ZNF700: variants seen among roughly 807,000 people sequenced by gnomAD.
The protein encoded by ZNF700 is zinc finger protein 700.
A neutral mutation model predicts 65.3 loss-of-function variants in ZNF700; 38 were observed. That is an observed-to-expected ratio of 0.58 (90% CI 0.45 to 0.76). The LOEUF (loss-of-function observed/expected upper bound fraction) is 0.76. ZNF700 is among the 30% of genes least tolerant of loss of function. The pLI, the probability that ZNF700 is intolerant of heterozygous loss-of-function variation, is 0.00. For synonymous variants in ZNF700, 285 were observed against 290.4 expected (o/e 0.98, Z 0.19); for missense variants, 857 against 888.4 (o/e 0.96, Z 0.45).
chr19:11,931,431 C>G (rs1156663011), intron 1 of ZNF700, among the ~76,000 whole-genome samples: 1 of 148,042 alleles, frequency 6.8e-6, no homozygotes, highest in East Asian at 1.9e-4. Context: ...TAATTACTTC[C>G]CAGAGATGTC....
At position 11,928,600 on chromosome 19, in the gene ZNF700, C is replaced by T. The variant is rs185044548; in HGVS notation, c.63+3327C>T. ...ACAAAAAATTAGCCGGGCGTAGTGG[C>T]GGGCGCCTGTAGTCCCAGCTACTTG... is the stretch of plus-strand genomic sequence containing the variant. On this transcript the variant is annotated intron_variant, in intron 1 of 3. Coordinates refer to ENST00000254321, the MANE Select transcript of ZNF700 (RefSeq NM_144566.3). 5.3e-4 allele frequency among the ~76,000 whole-genome samples: 78 copies of T among 148,472 alleles called. 1 individual carries two copies. In the East Asian group the frequency reaches 0.013, roughly 24 times the overall value.
intron 1 of ZNF700, among the ~76,000 whole-genome samples, chr19:11,937,485 CTTTCCTTTTTTTT>C (rs1972814577): frequency 7.2e-6 from 1 of 138,290 alleles, no homozygotes; most frequent in Admixed American, 7.2e-5. Context: ...TTCTTTTTTT[CTTTCCTTTTTTTT>C]TTTTTTTTGA....
chr19:11,949,436 A>G lies in ZNF700; in HGVS notation c.1412A>G (p.Glu471Gly). 4 of 1,613,182 alleles carry G rather than the reference A, an allele frequency of 2.5e-6. No individual in the cohort carries two copies. The South Asian group carries it at 3.3e-5, about 13-fold the overall frequency. The change falls in exon 4 of 4, where the codon GAG becomes GGG. Residue 471 changes from glutamate (E) to glycine (G), a missense_variant. Physicochemically the swap from Glu to Gly is moderately conservative, Grantham distance 98. Transcript: ENST00000254321. The part of the protein sequence containing the change: ...LRVHGRTHTG[E>G]KPYECKECGK... The stretch of plus-strand genomic sequence containing the variant: ...GTGCATGGTAGGACTCATACTGGAG[A>G]GAAACCCTATGAATGTAAGGAATGT...
intron 1 of ZNF700, among the ~76,000 whole-genome samples, chr19:11,938,352 T>G (rs575248099): frequency 3.0e-4 from 46 of 152,286 alleles, no homozygotes; most frequent in African/African-American, 1.1e-3. Context: ...GTTATTTACA[T>G]TAGGTATATC....
chr19:11,946,872 T>C (rs555930139), intron 1 of ZNF700: 6 of 306,866 alleles, frequency 2.0e-5, no homozygotes, highest in Admixed American at 9.9e-5. Flanking sequence ...TGGTGGTACA[T>C]GCCTATAATC....
intron 1 of ZNF700, among the ~76,000 whole-genome samples, chr19:11,932,822 A>T (rs1185591948): frequency 6.8e-6 from 1 of 147,402 alleles, no homozygotes; most frequent in East Asian, 1.9e-4. Context: ...TATTTTTAGT[A>T]GAGACGGGGT....
At chr19:11,944,772 G>A (rs1186366815) in intron 1 of ZNF700, among the ~76,000 whole-genome samples, 1 of 152,228 alleles carries the variant, frequency 6.6e-6, no homozygotes, top group Non-Finnish European at 1.5e-5. Flanking sequence ...CTTGCATTGT[G>A]TTGTTGGCAG....
intron 1 of ZNF700, among the ~76,000 whole-genome samples, chr19:11,932,023 G>A (rs1167185896): frequency 6.8e-6 from 1 of 147,606 alleles, no homozygotes; most frequent in African/African-American, 2.7e-5. Context: ...GCTGAGGCAG[G>A]AGAATCGCTT....
Position 11,925,247 on chromosome 19 carries a change from C to T in ZNF700, c.37C>T (p.Pro13Ser), listed in dbSNP as rs771808102. ...TAGTCACAGGAGCTGTAGAGAGGACCCCGGTACATCTGAAAGCCGGGAAAT... is the reference window on the plus strand; with the variant it reads ...TAGTCACAGGAGCTGTAGAGAGGACTCCGGTACATCTGAAAGCCGGGAAAT... Reference protein sequence around the residue: ...CCSHRSCREDPGTSESREMDP... With the variant: ...CCSHRSCREDSGTSESREMDP... The change falls in exon 1 of 4, where the codon CCC becomes TCC. Residue 13 changes from proline (P) to serine (S), a missense_variant. By Grantham distance (74) the Pro-to-Ser change is moderately conservative. Coordinates refer to ENST00000254321, the MANE Select transcript of ZNF700 (RefSeq NM_144566.3). 1.2e-6 allele frequency: 2 copies of T among 1,612,994 alleles called. No homozygotes were observed. The highest frequency in any genetic ancestry group is 1.3e-5 in the African/African-American group (1 of 74,900).
chr19:11,947,971 C>A, intron 3 of ZNF700, among the ~76,000 whole-genome samples: 1 of 152,228 alleles, frequency 6.6e-6, no homozygotes, highest in East Asian at 1.9e-4. Flanking sequence ...GATGATATCA[C>A]TGTACTCCAG....
In ZNF700 at chr19:11,945,564, G is replaced by A. The variant is rs143631372; in HGVS notation, c.64-1617G>A. On this transcript the variant is annotated intron_variant, in intron 1 of 3. Coordinates refer to ENST00000254321, the MANE Select transcript of ZNF700 (RefSeq NM_144566.3). Reference sequence around the variant, plus strand: ...AACCGGGTACTGTTTTTGCCTGACCGGCTGGGCCCCAGGCTTAACTTCTGT... The same window carrying A: ...AACCGGGTACTGTTTTTGCCTGACCAGCTGGGCCCCAGGCTTAACTTCTGT... 7.2e-3 allele frequency among the ~76,000 whole-genome samples: 1,092 copies of A among 152,176 alleles called. 21 individuals carry two copies. Among genetic ancestry groups the A allele is most frequent in the African/African-American group, 0.025 (1,036 of 41,518 alleles).
At chr19:11,935,453 G>A (rs951939498) in intron 1 of ZNF700, among the ~76,000 whole-genome samples, 8 of 151,830 alleles carry the variant, frequency 5.3e-5, no homozygotes, top group Admixed American at 1.3e-4. Context: ...GGCTGATCTC[G>A]AACTCCTGAC....
intron 1 of ZNF700, among the ~76,000 whole-genome samples, chr19:11,927,037 T>G (rs981749993): frequency 1.3e-5 from 2 of 152,196 alleles, no homozygotes; most frequent in African/African-American, 2.4e-5. Context: ...AGTCACAAAG[T>G]GCAGTGAGAA....
At chr19:11,941,281 C>T (rs111601737) in intron 1 of ZNF700, among the ~76,000 whole-genome samples, 3,264 of 152,352 alleles carry the variant, frequency 0.021, 111 homozygotes, top group African/African-American at 0.071. Context: ...CTGCCAGTCC[C>T]GCGCCATGCG....
At chr19:11,932,627 A>G (rs1972730330) in intron 1 of ZNF700, among the ~76,000 whole-genome samples, 1 of 139,598 alleles carries the variant, frequency 7.2e-6, no homozygotes, top group Admixed American at 7.0e-5. Context: ...TATGCAAACC[A>G]ATATGTGATT....
intron 1 of ZNF700, among the ~76,000 whole-genome samples, chr19:11,942,437 C>A (rs1972899787): frequency 6.6e-6 from 1 of 152,126 alleles, no homozygotes; most frequent in African/African-American, 2.4e-5. Flanking sequence ...ACAGCCCAGG[C>A]AGCTCGTTTT....
At chr19:11,932,470 AT>A (rs1192388761) in intron 1 of ZNF700, among the ~76,000 whole-genome samples, 1 of 148,578 alleles carries the variant, frequency 6.7e-6, no homozygotes, top group Admixed American at 6.6e-5. Flanking sequence ...AAAGTATTAC[AT>A]ATGCACAAAA....
intron 1 of ZNF700, chr19:11,946,778 C>T (rs1422074648): frequency 6.3e-6 from 1 of 159,758 alleles, no homozygotes; most frequent in Admixed American, 6.4e-5. Flanking sequence ...GTGGGGTGGG[C>T]TTACTTTGTG....
intron 3 of ZNF700, 97 bp downstream of exon 3, chr19:11,947,671 A>G: frequency 1.7e-6 from 2 of 1,164,098 alleles, no homozygotes; most frequent in Non-Finnish European, 2.5e-6. Flanking sequence ...TAAATCCAGC[A>G]TCAAATTCAT....
Sources: gnomAD v4.1 joint callset for allele counts (sites outside exome capture counted in the v4.1 genomes callset) on GRCh38, gnomAD v4.1.1 for gene constraint, MANE v1.5 for transcripts, NCBI Gene and HGNC (gene_info 2026-07-23, HGNC 2026-07-21) for gene names.